Variants in TSNARE1 observed in about 807,000 individuals in gnomAD.
TSNARE1 encodes t-SNARE domain-containing protein 1.
Under a neutral mutation model 62.0 loss-of-function variants are expected in TSNARE1, and 49 were observed. The ratio of observed to expected loss-of-function variants is 0.79; its 90% CI spans 0.63 to 1.00. The LOEUF is 1.00. Ranked by LOEUF, TSNARE1 falls within the 50% of genes least tolerant of loss-of-function variation. The probability of loss-of-function intolerance (pLI) is 0.00; values close to 1 mark genes in which losing one functional copy is unlikely to be tolerated. For synonymous variants in TSNARE1, 328 were observed against 294.4 expected (o/e 1.11, Z -1.17); for missense variants, 755 against 700.1 (o/e 1.08, Z -0.88).
intron 12 of TSNARE1, chr8:142,273,031 G>A (rs190470398): frequency 1.0e-4 from 103 of 985,430 alleles, no homozygotes; most frequent in African/African-American, 6.3e-4. Flanking sequence ...CTTCACGGCC[G>A]CCTCCTGGGC....
chr8:142,365,545 A>G (rs181378722), intron 1 of TSNARE1, among the ~76,000 whole-genome samples: 68 of 152,096 alleles, frequency 4.5e-4, no homozygotes, highest in Non-Finnish European at 7.6e-4. Context: ...GGAGCATCAC[A>G]TCTGCAACTC....
chr8:142,306,589 A>G (rs7821338), intron 9 of TSNARE1, among the ~76,000 whole-genome samples: 36,837 of 152,188 alleles, frequency 0.24, 5,059 homozygotes, highest in African/African-American at 0.37. Flanking sequence ...GGAGACAGGC[A>G]AGAGACGGGG....
rs1829053300 is a variant in TSNARE1 at position 142,319,024 on chromosome 8, G to T, written c.894-390C>A. Reference sequence around the variant, plus strand: ...GACGGGGGAGACGGGCAGACACACAGCAAGAGGCAGTGGGGGCAGAAAGGC... The same window carrying T: ...GACGGGGGAGACGGGCAGACACACATCAAGAGGCAGTGGGGGCAGAAAGGC... On this transcript the variant is annotated intron_variant, in intron 6 of 13. Coordinates refer to ENST00000524325, the MANE Select transcript of TSNARE1 (RefSeq NM_145003.5). This position sits in a 1 kb window ranked among gnomAD's most constrained non-coding sequence, Gnocchi z 4.9. 6.6e-6 allele frequency among the ~76,000 whole-genome samples: 1 copy of T among 151,770 alleles called. No individual in the cohort carries two copies. Among genetic ancestry groups the T allele is most frequent in the Non-Finnish European group, 1.5e-5 (1 of 67,934 alleles).
At chr8:142,377,324 C>T (rs564240419) in intron 1 of TSNARE1, among the ~76,000 whole-genome samples, 1 of 152,082 alleles carries the variant, frequency 6.6e-6, no homozygotes, top group South Asian at 2.1e-4. Flanking sequence ...GTTATCCACA[C>T]ACACGAACAC....
intron 1 of TSNARE1, among the ~76,000 whole-genome samples, chr8:142,393,444 T>A (rs1163456066): frequency 6.6e-6 from 1 of 152,262 alleles, no homozygotes; most frequent in Non-Finnish European, 1.5e-5. Context: ...ATCCGCTGGC[T>A]GTGCTACTGT....
intron 13 of TSNARE1, among the ~76,000 whole-genome samples, chr8:142,223,858 C>T (rs1323001102): frequency 2.0e-5 from 3 of 149,744 alleles, no homozygotes; most frequent in Non-Finnish European, 3.0e-5. Flanking sequence ...CCCAAGGGCT[C>T]ACCTCGCTTC....
intron 10 of TSNARE1, among the ~76,000 whole-genome samples, chr8:142,295,757 G>A (rs1824575599): frequency 1.3e-5 from 2 of 151,916 alleles, no homozygotes; most frequent in South Asian, 4.1e-4. Context: ...CAGCTGGGCC[G>A]TCCATTGCCC....
At chr8:142,353,873 G>GGGAGGACGC (rs1381782156) in intron 2 of TSNARE1, among the ~76,000 whole-genome samples, 11 of 152,302 alleles carry the variant, frequency 7.2e-5, no homozygotes, top group African/African-American at 2.2e-4. Context: ...CTGCACAGCT[G>GGGAGGACGC]TTAGGCTGAG....
Position 142,344,464 on chromosome 8 carries a change from C to T in TSNARE1, c.247G>A (p.Val83Ile), listed in dbSNP as rs1276990434. Reference protein sequence around the residue: ...VPRARKRGPGVAPEGSRMPEP... With the variant: ...VPRARKRGPGIAPEGSRMPEP... ...GGCATCCGGCTGCCTTCAGGGGCAA[C>T]CCCAGGCCCTGGAAAGGCACCAAAA... The change falls in exon 4 of 14, where the codon GTT becomes ATT. Residue 83 changes from valine (V) to isoleucine (I), a missense_variant. Val to Ile is a conservative substitution (Grantham distance 29). Coordinates refer to ENST00000524325, the MANE Select transcript of TSNARE1 (RefSeq NM_145003.5). 1.3e-6 allele frequency: 2 copies of T among 1,549,934 alleles called. No individual in the cohort carries two copies. The highest frequency in any genetic ancestry group is 1.7e-6 in the Non-Finnish European group (2 of 1,152,806).
chr8:142,391,882 T>C (rs963660900), intron 1 of TSNARE1, among the ~76,000 whole-genome samples: 15 of 152,080 alleles, frequency 9.9e-5, no homozygotes, highest in Non-Finnish European at 1.8e-4. Context: ...CTGGGCTGAG[T>C]GGGCGGAACA....
chr8:142,246,014 A>G (rs963796227), intron 12 of TSNARE1, among the ~76,000 whole-genome samples: 12 of 152,214 alleles, frequency 7.9e-5, no homozygotes, highest in African/African-American at 2.9e-4. Context: ...GTAAGATCCA[A>G]ACATGCTAAT....
At chr8:142,331,432 A>G (rs562944737) in intron 5 of TSNARE1, among the ~76,000 whole-genome samples, 1 of 152,280 alleles carries the variant, frequency 6.6e-6, no homozygotes, top group East Asian at 1.9e-4. Context: ...GTCAAGAAGG[A>G]GCAGCATGGG....
chr8:142,327,574 C>T (rs903036245), intron 6 of TSNARE1, among the ~76,000 whole-genome samples: 3 of 152,186 alleles, frequency 2.0e-5, no homozygotes, highest in South Asian at 2.1e-4. Context: ...TCGGGCACTC[C>T]GGGAGGTCAG....
intron 10 of TSNARE1, among the ~76,000 whole-genome samples, chr8:142,296,440 G>A (rs563877908): frequency 4.2e-5 from 6 of 142,454 alleles, no homozygotes; most frequent in South Asian, 4.9e-4. Flanking sequence ...GGGGAGGGGC[G>A]GTCACTGTCA....
chr8:142,347,030 G>A (rs557975186), intron 2 of TSNARE1, among the ~76,000 whole-genome samples: 7 of 152,318 alleles, frequency 4.6e-5, no homozygotes, highest in South Asian at 2.1e-4. Flanking sequence ...ACAGGCCTAC[G>A]GCCACACAGA....
chr8:142,318,637 GGGGGCCGAGAA>G lies in TSNARE1; in HGVS notation c.894-14_894-4del. ...TGGTCTCCTGCTGTGCCGTGTGCCT[GGGGGCCGAGAA>G]GGAGCCAGGAGCGAAGGCAGGGGAG... On this transcript the variant is annotated splice_polypyrimidine_tract_variant and splice_region_variant and intron_variant, in intron 6 of 13. Transcript: ENST00000524325. 6.2e-7 allele frequency: 1 copy of G among 1,613,450 alleles called. No individual in the cohort carries two copies. The highest frequency in any genetic ancestry group is 8.5e-7 in the Non-Finnish European group (1 of 1,179,928).
At chr8:142,238,110 G>GC (rs1049395825) in intron 12 of TSNARE1, among the ~76,000 whole-genome samples, 10 of 150,930 alleles carry the variant, frequency 6.6e-5, no homozygotes, top group East Asian at 2.0e-4. Context: ...TGCGTTACCC[G>GC]CCCCCCCTCC....
chr8:142,384,620 T>C (rs1390376618), intron 1 of TSNARE1, among the ~76,000 whole-genome samples: 2 of 152,192 alleles, frequency 1.3e-5, no homozygotes, highest in Non-Finnish European at 2.9e-5. Flanking sequence ...AAAGACTGGA[T>C]AGCCCCACGC....
Position 142,325,513 on chromosome 8 carries a change from C to T in TSNARE1, c.893+5388G>A, listed in dbSNP as rs534691015. On this transcript the variant is annotated intron_variant, in intron 6 of 13. Transcript: ENST00000524325. ...GGAGGTGGAGAGGAGGTGAGAAGTGCGTGGACACGGGGCAGCTCAAGAGGA... is the reference window on the plus strand; with the variant it reads ...GGAGGTGGAGAGGAGGTGAGAAGTGTGTGGACACGGGGCAGCTCAAGAGGA... 4.6e-5 allele frequency among the ~76,000 whole-genome samples: 7 copies of T among 152,278 alleles called. No individual in the cohort carries two copies. The East Asian group carries it at 5.8e-4, about 13-fold the overall frequency.
Sources: allele counts gnomAD v4.1 joint callset (sites outside exome capture counted in the v4.1 genomes callset), GRCh38; gene constraint gnomAD v4.1.1; non-coding constraint Gnocchi (gnomAD v3.1); transcripts MANE v1.5; gene names NCBI Gene and HGNC (gene_info 2026-07-23, HGNC 2026-07-21).